Variants in CLCA1 observed in about 807,000 individuals in gnomAD.
The protein encoded by CLCA1 is calcium-activated chloride channel regulator 1.
A neutral mutation model predicts 85.6 loss-of-function variants in CLCA1; 59 were observed. The observed-to-expected ratio is 0.69, with a 90% CI of 0.56 to 0.86. The LOEUF (loss-of-function observed/expected upper bound fraction) is 0.86, where lower values mean the gene tolerates loss of function less well. Ranked by LOEUF, CLCA1 falls within the 40% of genes least tolerant of loss-of-function variation. The pLI, the probability that CLCA1 is intolerant of heterozygous loss-of-function variation, is 0.00. For missense variants in CLCA1, 1,022 were observed against 1,101.4 expected (o/e 0.93, Z 1.02); for synonymous variants, 396 against 398.3 (o/e 0.99, Z 0.07).
chr1:86,495,324 T>G (rs1648248306), intron 11 of CLCA1, among the ~76,000 whole-genome samples, 181 bp from the exon 12 acceptor site: 1 of 152,190 alleles, frequency 6.6e-6, no homozygotes, highest in Non-Finnish European at 1.5e-5. Context: ...AATGTATACA[T>G]AAAACCACAC....
chr1:86,472,453 C>A (rs897727857), intron 1 of CLCA1, among the ~76,000 whole-genome samples: 1 of 152,182 alleles, frequency 6.6e-6, no homozygotes. Flanking sequence ...ATGCTGGGGT[C>A]CCCCACATTC....
chr1:86,484,439 A>G (rs1647906671), intron 5 of CLCA1, among the ~76,000 whole-genome samples: 1 of 152,214 alleles, frequency 6.6e-6, no homozygotes, highest in Non-Finnish European at 1.5e-5. Flanking sequence ...AATTAGAGAC[A>G]TGGAATACAC....
chr1:86,478,779 TC>T (rs1178901596), intron 4 of CLCA1, among the ~76,000 whole-genome samples: 1 of 152,254 alleles, frequency 6.6e-6, no homozygotes, highest in Non-Finnish European at 1.5e-5. Context: ...CGCCATGTCC[TC>T]TTTAAAACTT....
chr1:86,472,875 G>C (rs1647542234), intron 1 of CLCA1, among the ~76,000 whole-genome samples: 1 of 152,132 alleles, frequency 6.6e-6, no homozygotes, highest in South Asian at 2.1e-4. Flanking sequence ...GAGTCAGCAG[G>C]TGTTAAAATC....
chr1:86,489,933 G>T (rs540332252), intron 8 of CLCA1, among the ~76,000 whole-genome samples: 80 of 152,288 alleles, frequency 5.3e-4, no homozygotes, highest in Admixed American at 2.4e-3. Flanking sequence ...CTGAGACAGG[G>T]ATTTGGGTCC....
At chr1:86,491,482 A>G in intron 9 of CLCA1, 111 bp downstream of exon 9, 1 of 642,310 alleles carries the variant, frequency 1.6e-6, no homozygotes, top group East Asian at 2.8e-5. Flanking sequence ...CTGAATTAAA[A>G]TGAAAATAGA....
rs200199418 is a variant in CLCA1 at position 86,491,328 on chromosome 1, C to A, written c.1421C>A (p.Ala474Asp). Residue 474 changes from alanine (A) to aspartate (D), a missense_variant, in exon 9 of 14, where the codon GCC (alanine) becomes GAC (aspartate). By Grantham distance (126) the Ala-to-Asp change is moderately radical. Transcript: ENST00000394711. ...QNNGLIDAFG[A>D]LSSGNGAVSQ... ...AATGGCCTCATTGATGCTTTTGGGG[C>A]CCTTTCATCAGGAAATGGAGCTGTC... The A allele has an allele frequency of 1.9e-6, 3 of 1,613,586 alleles. No individual in the cohort carries two copies. Among genetic ancestry groups the A allele is most frequent in the East Asian group, 2.2e-5 (1 of 44,858 alleles).
intron 12 of CLCA1, among the ~76,000 whole-genome samples, chr1:86,496,231 T>C (rs1648279707): frequency 6.6e-6 from 1 of 152,368 alleles, no homozygotes; most frequent in Non-Finnish European, 1.5e-5. Context: ...GTTCTTTCCA[T>C]TGAAGCATTT....
chr1:86,486,017 G>GGAGAGA (rs35497869), intron 6 of CLCA1, among the ~76,000 whole-genome samples: 57,314 of 147,222 alleles, frequency 0.39, 12,043 homozygotes, highest in Admixed American at 0.52. Context: ...CATGGCAGCA[G>GGAGAGA]GAGAGAGAGA....
At chr1:86,476,963 G>T (rs991620102) in intron 4 of CLCA1, among the ~76,000 whole-genome samples, 1 of 152,142 alleles carries the variant, frequency 6.6e-6, no homozygotes, top group Non-Finnish European at 1.5e-5. Context: ...AGGCTGGAGC[G>T]CAGTGATGCA....
At chr1:86,487,710 T>C (rs1648019760) in intron 7 of CLCA1, among the ~76,000 whole-genome samples, 1 of 152,118 alleles carries the variant, frequency 6.6e-6, no homozygotes, top group Non-Finnish European at 1.5e-5. Context: ...GCTCTCCCCG[T>C]TGGAGCAGAG....
chr1:86,469,195 C>A (rs1226541746), intron 1 of CLCA1, 62 bp downstream of exon 1: 2 of 1,197,922 alleles, frequency 1.7e-6, no homozygotes, highest in Non-Finnish European at 2.3e-6. Context: ...ATAGAGAGAA[C>A]ATGAGTGCCC....
chr1:86,498,150 C>CAAAG lies in CLCA1; in HGVS notation c.2114-417_2114-414dup, dbSNP rs1180932696. 9.4e-5 allele frequency among the ~76,000 whole-genome samples: 8 copies of CAAAG among 84,920 alleles called. No individual in the cohort carries two copies. In the South Asian group the frequency reaches 2.8e-3, roughly 30 times the overall value. The allele number at this position is 84,920 out of a possible 152,430, so 55.7% of individuals were successfully genotyped here. A position where few individuals can be genotyped will look rare whatever the true frequency, so the allele number is the denominator to read the frequency against. On this transcript the variant is annotated intron_variant, in intron 12 of 13. Coordinates refer to ENST00000394711, the MANE Select transcript of CLCA1 (RefSeq NM_001285.4). The stretch of plus-strand genomic sequence containing the variant: ...CGAAACTCCATCTCAAAAACAAAAA[C>CAAAG]AAAGAAAGGAAGGAAGGAAGGAAGG...
intron 1 of CLCA1, among the ~76,000 whole-genome samples, chr1:86,470,960 G>A (rs1389129811): frequency 6.6e-6 from 1 of 152,164 alleles, no homozygotes; most frequent in Non-Finnish European, 1.5e-5. Flanking sequence ...TAATCGCTCT[G>A]CACCACTTCC....
rs781525269 is a variant in CLCA1 at position 86,495,644 on chromosome 1, A to C, written c.2082A>C (p.Gly694=). 52 of 1,614,010 alleles carry C rather than the reference A, an allele frequency of 3.2e-5. No homozygotes were observed. Among genetic ancestry groups the C allele is most frequent in the Non-Finnish European group, 4.4e-5 (52 of 1,179,938 alleles). ...GGAGAGTGATACCCCAGCAGAGTGG[A>C]GCACTGTACATACCTGGCTGGATTG... is the stretch of plus-strand genomic sequence containing the variant. ...ARRRVIPQQS[G]ALYIPGWIEN... The change falls in exon 12 of 14, where the codon GGA becomes GGC. Residue 694 remains glycine, a synonymous_variant. Transcript: ENST00000394711.
At chr1:86,469,590 A>G (rs577871187) in intron 1 of CLCA1, among the ~76,000 whole-genome samples, 17 of 152,306 alleles carry the variant, frequency 1.1e-4, no homozygotes, top group African/African-American at 4.1e-4. Flanking sequence ...TGATATAAGA[A>G]CAACCCTGAC....
At position 86,500,045 on chromosome 1, in the gene CLCA1, G is replaced by C. The variant is rs2101751820; in HGVS notation, c.2745G>C (p.Ter915TyrextTer2). 1 of 1,566,396 alleles carries C rather than the reference G, an allele frequency of 6.4e-7. No homozygotes were observed. The highest frequency in any genetic ancestry group is 8.7e-7 in the Non-Finnish European group (1 of 1,153,956). ...GAGAACTGCAGCTGTCAATAGCCTA[G>C]GGCTGAATTTTTGTCAGATAAATAA... ...WIGELQLSIA[*>Y] is the part of the protein sequence containing the mutation. The change falls in exon 14 of 14, where the codon TAG (stop) becomes TAC (tyrosine). Residue 915 changes from the stop codon to tyrosine, a stop_lost. Transcript: ENST00000394711.
chr1:86,469,074 A>C lies in CLCA1; in HGVS notation c.103A>C (p.Ile35Leu), dbSNP rs143108847. The change falls in exon 1 of 14, where the codon ATT becomes CTT. Residue 35 changes from isoleucine to leucine, a missense_variant. Ile to Leu is a conservative substitution (Grantham distance 5). Coordinates refer to ENST00000394711, the MANE Select transcript of CLCA1 (RefSeq NM_001285.4). ...GCTGAACAACAATGGCTATGAAGGC[A>C]TTGTCGTTGCAATCGACCCCAATGT... is the stretch of plus-strand genomic sequence containing the variant. ...IQLNNNGYEG[I>L]VVAIDPNVPE... 7.4e-6 allele frequency: 12 copies of C among 1,612,698 alleles called. No individual in the cohort carries two copies. The highest frequency in any genetic ancestry group is 1.0e-5 in the Non-Finnish European group (12 of 1,179,270).
chr1:86,498,961 T>C, intron 13 of CLCA1, 150 bp downstream of exon 13: 1 of 866,606 alleles, frequency 1.2e-6, no homozygotes, highest in Non-Finnish European at 1.7e-6. Context: ...GATAAATGTA[T>C]TTAAAGAAGA....
Sources: gnomAD v4.1 joint callset for allele counts (sites outside exome capture counted in the v4.1 genomes callset) on GRCh38, gnomAD v4.1.1 for gene constraint, MANE v1.5 for transcripts, NCBI Gene and HGNC (gene_info 2026-07-23, HGNC 2026-07-21) for gene names.